The following MOV10L1 variants were observed in gnomAD, a reference collection of about 807,000 sequenced individuals.
MOV10L1 encodes RNA helicase Mov10l1.
A neutral mutation model predicts 143.8 loss-of-function variants in MOV10L1; 110 were observed. The observed-to-expected ratio is 0.76, with a 90% CI of 0.66 to 0.90. The LOEUF (loss-of-function observed/expected upper bound fraction) is 0.90, where lower values mean the gene tolerates loss of function less well. Among genes scored for constraint, MOV10L1 ranks in the 40% least tolerant of loss-of-function variants. The probability of loss-of-function intolerance (pLI) is 0.00; values close to 1 mark genes in which losing one functional copy is unlikely to be tolerated. For missense variants in MOV10L1, 1,406 were observed against 1,526.8 expected (o/e 0.92, Z 1.32); for synonymous variants, 593 against 581.1 (o/e 1.02, Z -0.29).
At chr22:50,142,214 G>A in intron 16 of MOV10L1, 25 bp downstream of exon 16, 1 of 1,576,346 alleles carries the variant, frequency 6.3e-7, no homozygotes, top group Non-Finnish European at 8.7e-7. Flanking sequence ...GGGGCAAGGA[G>A]AAGAGCAACT....
intron 5 of MOV10L1, among the ~76,000 whole-genome samples, chr22:50,113,440 G>A (rs1471950849): frequency 6.6e-6 from 1 of 152,172 alleles, no homozygotes; most frequent in East Asian, 1.9e-4. Context: ...CCCCTGGGCT[G>A]CTCCCTTTTC....
At chr22:50,131,379 TC>T (rs1216865536) in intron 13 of MOV10L1, among the ~76,000 whole-genome samples, 1 of 152,198 alleles carries the variant, frequency 6.6e-6, no homozygotes, top group African/African-American at 2.4e-5. Flanking sequence ...TGCAAATATT[TC>T]CTCAGACTAC....
intron 8 of MOV10L1, among the ~76,000 whole-genome samples, chr22:50,116,793 C>CCA (rs1368731497): frequency 6.6e-6 from 1 of 150,936 alleles, no homozygotes; most frequent in Non-Finnish European, 1.5e-5. Context: ...GTAGCTGGAA[C>CCA]CACAGGCACA....
chr22:50,095,830 C>T (rs1419611072), intron 2 of MOV10L1: 1 of 151,958 alleles, frequency 6.6e-6, no homozygotes, highest in Non-Finnish European at 1.5e-5. Flanking sequence ...GGGTTCATCT[C>T]TACTCACAAT....
chr22:50,134,137 G>A (rs2147281963), intron 14 of MOV10L1, 72 bp downstream of exon 14: 4 of 1,231,742 alleles, frequency 3.2e-6, no homozygotes, highest in East Asian at 4.9e-5. Context: ...AAAATTTTGT[G>A]TAAAATAGTC....
chr22:50,161,620 GC>G lies in MOV10L1; in HGVS notation c.*173del. On this transcript the variant is annotated 3_prime_UTR_variant, in exon 27 of 27. Coordinates refer to ENST00000262794, the MANE Select transcript of MOV10L1 (RefSeq NM_018995.3). Reference sequence around the variant, plus strand: ...TGCTGCTGCCCTGACTTTGGCATATGCCAGCCTGTTCCTGCCACAGGGCAGT... The same window carrying G: ...TGCTGCTGCCCTGACTTTGGCATATGCAGCCTGTTCCTGCCACAGGGCAGT... 1 of 621,830 alleles carries G rather than the reference GC, an allele frequency of 1.6e-6. No individual in the cohort carries two copies. The highest frequency in any genetic ancestry group is 2.7e-6 in the Non-Finnish European group (1 of 367,668). The allele number at this position is 621,830 out of a possible 1,614,324, so 38.5% of individuals were successfully genotyped here. A position where few individuals can be genotyped will look rare whatever the true frequency, so the allele number is the denominator to read the frequency against.
intron 4 of MOV10L1, 180 bp from the exon 5 acceptor site, chr22:50,108,477 T>C: frequency 1.3e-6 from 1 of 756,156 alleles, no homozygotes; most frequent in Admixed American, 2.2e-5. Context: ...TATGCAACAG[T>C]GCTAAAATGT....
intron 13 of MOV10L1, among the ~76,000 whole-genome samples, chr22:50,128,718 T>C (rs2062587375): frequency 6.6e-6 from 1 of 151,972 alleles, no homozygotes; most frequent in Non-Finnish European, 1.5e-5. Flanking sequence ...CTAATTTTTG[T>C]ATTTTTAGTA....
intron 10 of MOV10L1, among the ~76,000 whole-genome samples, chr22:50,124,831 T>A (rs2062448882): frequency 1.3e-5 from 2 of 152,350 alleles, no homozygotes; most frequent in South Asian, 4.1e-4. Context: ...TCCTCTGTGC[T>A]GGGGCCTAGG....
At chr22:50,137,259 G>A (rs2062845540) in intron 15 of MOV10L1, among the ~76,000 whole-genome samples, 1 of 152,124 alleles carries the variant, frequency 6.6e-6, no homozygotes. Flanking sequence ...TTATAAATAT[G>A]TTCCATGTGT....
At chr22:50,090,968 G>A (rs551215724) in intron 1 of MOV10L1, 4 of 188,664 alleles carry the variant, frequency 2.1e-5, no homozygotes, top group Non-Finnish European at 4.9e-5. Flanking sequence ...GAGCCACCAC[G>A]CCCGACCTCT....
chr22:50,109,805 G>A (rs1027528888), intron 5 of MOV10L1: 25 of 155,544 alleles, frequency 1.6e-4, no homozygotes, highest in African/African-American at 3.9e-4. Context: ...TCGTGCTACC[G>A]CACTCTAGCC....
intron 12 of MOV10L1, among the ~76,000 whole-genome samples, chr22:50,127,384 C>G (rs990334901): frequency 1.3e-5 from 2 of 152,200 alleles, no homozygotes; most frequent in African/African-American, 4.8e-5. Flanking sequence ...TTCAGGCTTT[C>G]TTGGATGCCA....
At chr22:50,112,848 G>A (rs978346893) in intron 5 of MOV10L1, among the ~76,000 whole-genome samples, 2 of 152,156 alleles carry the variant, frequency 1.3e-5, no homozygotes, top group Non-Finnish European at 2.9e-5. Context: ...TCCCCACCCC[G>A]TCCATCAGCA....
At chr22:50,120,794 G>A (rs1029754094) in intron 10 of MOV10L1, among the ~76,000 whole-genome samples, 178 bp downstream of exon 10, 3 of 152,202 alleles carry the variant, frequency 2.0e-5, no homozygotes, top group African/African-American at 4.8e-5. Context: ...TAGCACTCAC[G>A]CTGCCAGACC....
intron 9 of MOV10L1, among the ~76,000 whole-genome samples, chr22:50,117,683 G>A (rs915235936): frequency 5.9e-5 from 9 of 152,144 alleles, no homozygotes; most frequent in African/African-American, 2.2e-4. Context: ...CACCTCTCCC[G>A]TCCTGACGAG....
chr22:50,133,975 T>C (rs779268178), intron 13 of MOV10L1, 32 bp from the exon 14 acceptor site: 3 of 1,586,276 alleles, frequency 1.9e-6, no homozygotes, highest in South Asian at 1.1e-5. Flanking sequence ...GAATGTAAGG[T>C]TAGTTATTTT....
At chr22:50,112,946 G>A (rs534411915) in intron 5 of MOV10L1, among the ~76,000 whole-genome samples, 3 of 152,346 alleles carry the variant, frequency 2.0e-5, no homozygotes, top group African/African-American at 7.2e-5. Flanking sequence ...GCCAGGAGGG[G>A]CTGCTCTGTA....
At chr22:50,154,412 T>C (rs1322500625) in intron 22 of MOV10L1, among the ~76,000 whole-genome samples, 2 of 151,866 alleles carry the variant, frequency 1.3e-5, no homozygotes, top group Non-Finnish European at 2.9e-5. Context: ...ATTTTTTTTT[T>C]TTTAAATTAG....
Sources: gnomAD v4.1 joint callset for allele counts (sites outside exome capture counted in the v4.1 genomes callset) on GRCh38, gnomAD v4.1.1 for gene constraint, MANE v1.5 for transcripts, NCBI Gene and HGNC (gene_info 2026-07-23, HGNC 2026-07-21) for gene names.